Variants in CLASRP observed in about 807,000 individuals in gnomAD.
The protein encoded by CLASRP is CLK4 associating serine/arginine rich protein.
A neutral mutation model predicts 99.9 loss-of-function variants in CLASRP; 52 were observed. The ratio of observed to expected loss-of-function variants is 0.52; its 90% CI spans 0.42 to 0.66. The LOEUF (loss-of-function observed/expected upper bound fraction) is 0.66, where lower values mean the gene tolerates loss of function less well. CLASRP is among the 30% of genes least tolerant of loss of function. The probability of loss-of-function intolerance (pLI) is 0.00; values close to 1 mark genes in which losing one functional copy is unlikely to be tolerated. For synonymous variants in CLASRP, 379 were observed against 373.0 expected, an observed-to-expected ratio of 1.02 and a Z score of -0.18; for missense variants, 848 against 999.2, an observed-to-expected ratio of 0.85 and a Z score of 2.04.
At chr19:45,040,053 C>T (rs556908980) in intron 1 of CLASRP, 131 bp from the exon 2 acceptor site, 1 of 564,664 alleles carries the variant, frequency 1.8e-6, no homozygotes, top group East Asian at 3.0e-5. Flanking sequence ...TCTGCAGCTT[C>T]ACTTCTGCTC....
In CLASRP at chr19:45,067,952, G is replaced by C; in HGVS notation, c.1668-63G>C. ...GTCTGAGGGCAGTGCTGAGGCTGGG[G>C]TCAGAGGTGGCAGCTGCCCTTTCCC... On this transcript the variant is annotated intron_variant, in intron 14 of 20. Coordinates refer to ENST00000221455, the MANE Select transcript of CLASRP (RefSeq NM_007056.3). This position sits in a 1 kb window ranked among gnomAD's most constrained non-coding sequence, Gnocchi z 4.9. 1 of 1,239,202 alleles carries C rather than the reference G, an allele frequency of 8.1e-7. No individual in the cohort carries two copies. Among genetic ancestry groups the C allele is most frequent in the Non-Finnish European group, 1.2e-6 (1 of 838,962 alleles). 76.8% of individuals were successfully genotyped at this position (1,239,202 alleles called of 1,614,324 possible). A position where few individuals can be genotyped will look rare whatever the true frequency, so the allele number is the denominator to read the frequency against.
At chr19:45,041,375 A>T (rs1009310606) in intron 2 of CLASRP, among the ~76,000 whole-genome samples, 1 of 152,020 alleles carries the variant, frequency 6.6e-6, no homozygotes, top group African/African-American at 2.4e-5. Flanking sequence ...TGGTCTGACC[A>T]CTCAGCTTCA....
At chr19:45,061,159 A>G (rs1040529511) in intron 10 of CLASRP, among the ~76,000 whole-genome samples, 1 of 152,114 alleles carries the variant, frequency 6.6e-6, no homozygotes, top group Non-Finnish European at 1.5e-5. Flanking sequence ...CCTTGAGGAG[A>G]GGCCCTGTGC....
In CLASRP at chr19:45,057,916, C is replaced by T. The variant is rs372047229; in HGVS notation, c.613+18C>T. On this transcript the variant is annotated intron_variant, in intron 7 of 20. Transcript: ENST00000221455. ...CGACATCGGTGGGGTCCCCTCTCTG[C>T]CCTCCCCACCTGCAGTCCCTGGGCA... 1 of 1,612,984 alleles carries T rather than the reference C, an allele frequency of 6.2e-7. No homozygotes were observed. Among genetic ancestry groups the T allele is most frequent in the Non-Finnish European group, 8.5e-7 (1 of 1,179,786 alleles).
chr19:45,058,636 C>T (rs984121865), intron 7 of CLASRP, among the ~76,000 whole-genome samples: 5 of 152,114 alleles, frequency 3.3e-5, no homozygotes, highest in Admixed American at 6.6e-5. Flanking sequence ...CCACTTGCCT[C>T]GGCCTCCCAA....
intron 2 of CLASRP, among the ~76,000 whole-genome samples, chr19:45,044,805 G>GA (rs1037288568): frequency 1.3e-5 from 2 of 152,128 alleles, no homozygotes; most frequent in African/African-American, 4.8e-5. Flanking sequence ...ACACAGCCAG[G>GA]AGGTGAGATC....
intron 8 of CLASRP, 85 bp downstream of exon 8, chr19:45,059,449 C>A: frequency 8.6e-7 from 1 of 1,161,082 alleles, no homozygotes; most frequent in Non-Finnish European, 1.3e-6. Context: ...GACAGCCATC[C>A]TGTTTGTGAG....
chr19:45,068,664 A>T (rs537675791), intron 16 of CLASRP, among the ~76,000 whole-genome samples, 184 bp downstream of exon 16: 6 of 152,312 alleles, frequency 3.9e-5, no homozygotes, highest in African/African-American at 1.4e-4. Flanking sequence ...GGGCCTCTGC[A>T]GTCAGGTTGA....
At chr19:45,046,202 G>A (rs929470654) in intron 2 of CLASRP, among the ~76,000 whole-genome samples, 6 of 152,140 alleles carry the variant, frequency 3.9e-5, no homozygotes, top group Non-Finnish European at 7.4e-5. Context: ...GCTGTGGAGC[G>A]AGTGTCAGTG....
intron 5 of CLASRP, among the ~76,000 whole-genome samples, chr19:45,053,566 C>T (rs937554142): frequency 7.2e-5 from 11 of 152,248 alleles, no homozygotes; most frequent in African/African-American, 1.4e-4. Flanking sequence ...GCAACCTCTG[C>T]CTCCTGGGTT....
Position 45,067,436 on chromosome 19 carries a change from CCGCAGTCGCAGCCTGACT to C in CLASRP, c.1515_1532del (p.Leu508_Ser513del). ...GCAGCAGCTGGTCCCTCAGCCCGTC[CCGCAGTCGCAGCCTGACT>C]CGCAGCCGCAGCCATAGCCCCAGCC... On this transcript the variant is annotated inframe_deletion, in exon 14 of 21. Coordinates refer to ENST00000221455, the MANE Select transcript of CLASRP (RefSeq NM_007056.3). The surrounding 1 kb of genome is among the most constrained non-coding windows in gnomAD (Gnocchi z 4.9). 2.6e-6 allele frequency: 4 copies of C among 1,538,336 alleles called. No individual in the cohort carries two copies. The highest frequency in any genetic ancestry group is 3.5e-6 in the Non-Finnish European group (4 of 1,145,396).
chr19:45,059,393 C>T lies in CLASRP; in HGVS notation c.710+29C>T, dbSNP rs370825293. On this transcript the variant is annotated intron_variant, in intron 8 of 20. Transcript: ENST00000221455. ...AGGCCTGCCTGCTGACACCCCTACCCATTCTGTGGGCCCCACCCTGGCATC... is the reference window on the plus strand; with the variant it reads ...AGGCCTGCCTGCTGACACCCCTACCTATTCTGTGGGCCCCACCCTGGCATC... The T allele has an allele frequency of 8.3e-5, 127 of 1,528,972 alleles. 1 individual carries two copies. The East Asian group carries it at 2.7e-3, about 33-fold the overall frequency. 94.7% of individuals were successfully genotyped at this position (1,528,972 alleles called of 1,614,324 possible). A position where few individuals can be genotyped will look rare whatever the true frequency, so the allele number is the denominator to read the frequency against.
intron 2 of CLASRP, among the ~76,000 whole-genome samples, chr19:45,047,035 A>G (rs965323523): frequency 1.3e-5 from 2 of 152,144 alleles, no homozygotes; most frequent in African/African-American, 4.8e-5. Flanking sequence ...CTCCAAAAAA[A>G]AAAGTGGATT....
Position 45,068,492 on chromosome 19 carries a change from C to T in CLASRP, c.1768+12C>T. On this transcript the variant is annotated intron_variant, in intron 16 of 20. Coordinates refer to ENST00000221455, the MANE Select transcript of CLASRP (RefSeq NM_007056.3). ...GCTGAACAGGCAGTGTATGTTCTGCCCTGTCCCTCCAGGGTTTCACAGCTC... is the reference window on the plus strand; with the variant it reads ...GCTGAACAGGCAGTGTATGTTCTGCTCTGTCCCTCCAGGGTTTCACAGCTC... 6.3e-7 allele frequency: 1 copy of T among 1,599,494 alleles called. No homozygotes were observed. The highest frequency in any genetic ancestry group is 8.6e-7 in the Non-Finnish European group (1 of 1,166,722).
chr19:45,054,541 G>A (rs573962121), intron 5 of CLASRP, among the ~76,000 whole-genome samples: 36 of 152,298 alleles, frequency 2.4e-4, no homozygotes, highest in African/African-American at 7.5e-4. Flanking sequence ...GAGCCACCGC[G>A]CCTGGCCATC....
At chr19:45,058,104 C>G in intron 7 of CLASRP, 1 of 621,634 alleles carries the variant, frequency 1.6e-6, no homozygotes, top group Non-Finnish European at 2.8e-6. Flanking sequence ...TCTCTCATTT[C>G]TAGGGTGCTA....
intron 3 of CLASRP, 40 bp downstream of exon 3, chr19:45,052,208 G>T: frequency 1.9e-6 from 3 of 1,582,026 alleles, no homozygotes; most frequent in Non-Finnish European, 2.6e-6. Context: ...TCTGAAGTCT[G>T]GGAGTCAAAA....
At position 45,052,864 on chromosome 19, in the gene CLASRP, G is replaced by A. The variant is rs772981283; in HGVS notation, c.271G>A (p.Asp91Asn). 8.7e-6 allele frequency: 14 copies of A among 1,611,572 alleles called. 1 individual carries two copies. Among genetic ancestry groups the A allele is most frequent in the African/African-American group, 2.7e-5 (2 of 74,674 alleles). ...CCGTGCCCACCTGGACCACATCCCC[G>A]ACTACACCCCCCCTCTGCTCACCAC... Reference protein sequence around the residue: ...DVRAHLDHIPDYTPPLLTTIS... With the variant: ...DVRAHLDHIPNYTPPLLTTIS... The change falls in exon 4 of 21, where the codon GAC (aspartate) becomes AAC (asparagine). Residue 91 changes from aspartate (D) to asparagine (N), a missense_variant. By Grantham distance (23) the Asp-to-Asn change is conservative. Around this residue, in one of 8 missense-constraint regions of CLASRP, gnomAD observed 54 missense variants for 38.7 expected, o/e 1.39. Coordinates refer to ENST00000221455, the MANE Select transcript of CLASRP (RefSeq NM_007056.3).
chr19:45,067,487 G>GAGCCGCAGCCGC lies in CLASRP; in HGVS notation c.1577_1588dup (p.Arg526_Ser529dup), dbSNP rs375251030. 5.7e-6 allele frequency: 9 copies of GAGCCGCAGCCGC among 1,573,342 alleles called. No homozygotes were observed. The highest frequency in any genetic ancestry group is 2.7e-5 in the African/African-American group (2 of 73,702). On this transcript the variant is annotated inframe_insertion, in exon 14 of 21. Coordinates refer to ENST00000221455, the MANE Select transcript of CLASRP (RefSeq NM_007056.3). This position sits in a 1 kb window ranked among gnomAD's most constrained non-coding sequence, Gnocchi z 4.9. The stretch of plus-strand genomic sequence containing the variant: ...GCAGCCATAGCCCCAGCCCCAGCCA[G>GAGCCGCAGCCGC]AGCCGCAGCCGCAGCCGCAGCCGCA...
Sources: gnomAD v4.1 joint callset for allele counts (sites outside exome capture counted in the v4.1 genomes callset) on GRCh38, gnomAD v4.1.1 for gene constraint, gnomAD v4.1.1 regional missense constraint, Gnocchi (gnomAD v3.1) non-coding constraint, MANE v1.5 for transcripts, NCBI Gene and HGNC (gene_info 2026-07-23, HGNC 2026-07-21) for gene names.